PRCD: variants seen among roughly 807,000 people sequenced by gnomAD.
PRCD encodes photoreceptor disk component PRCD.
A neutral mutation model predicts 10.1 loss-of-function variants in PRCD; 12 were observed. That is an observed-to-expected ratio of 1.18 (90% CI 0.76 to 1.92). The LOEUF (loss-of-function observed/expected upper bound fraction) is 1.92, where lower values mean the gene tolerates loss of function less well. Ranked by LOEUF, PRCD falls within the 40% of genes most tolerant of loss-of-function variation. The pLI is 0.00. For missense variants in PRCD, 61 were observed against 72.2 expected (o/e 0.84, Z 0.56); for synonymous variants, 31 against 26.2 (o/e 1.18, Z -0.56).
At chr17:76,548,281 C>T (rs1396264367), downstream of PRCD, among the ~76,000 whole-genome samples, 1 of 152,278 alleles carries the variant, frequency 6.6e-6, no homozygotes, top group East Asian at 1.9e-4. Flanking sequence ...AACATACATA[C>T]ACACAGAGAG....
At position 76,540,265 on chromosome 17, in the gene PRCD, A is replaced by C. The variant is rs754878521; in HGVS notation, c.74+50A>C. ...TGGCGGTTGGTCGGGGGGGGGGGGC[A>C]TGGGGCTGGGCTGCCACCAAGCTGA... On this transcript the variant is annotated intron_variant, in intron 1 of 4. Transcript: ENST00000592014. The surrounding 1 kb of genome is among the most constrained non-coding windows in gnomAD (Gnocchi z 5.0). 1.8e-4 allele frequency: 78 copies of C among 424,420 alleles called. No individual in the cohort carries two copies. Among genetic ancestry groups the C allele is most frequent in the Middle Eastern group, 4.9e-4 (1 of 2,032 alleles). The allele number at this position is 424,420 out of a possible 1,614,324, so 26.3% of individuals were successfully genotyped here.
Position 76,528,182 on chromosome 17 carries a change from G to A in PRCD, n.45+349G>A. ...GTATATAGAATATATCTGTATATAT[G>A]GTAGATGTGTGCGTGATACTCTAGA... is the stretch of plus-strand genomic sequence containing the variant. On this transcript the variant is annotated intron_variant and non_coding_transcript_variant, in intron 1 of 4. Coordinates refer to the PRCD transcript ENST00000397633. The surrounding 1 kb of genome is among the most constrained non-coding windows in gnomAD (Gnocchi z 5.8). The A allele has an allele frequency of 2.5e-6, 1 of 396,890 alleles. No individual in the cohort carries two copies. 24.6% of individuals were successfully genotyped at this position (396,890 alleles called of 1,614,324 possible). A position where few individuals can be genotyped will look rare whatever the true frequency, so the allele number is the denominator to read the frequency against.
chr17:76,540,723 GCTGGGCAGGCTGGA>G lies in PRCD; in HGVS notation c.143+151_143+164del. ...TAAGCACCCTGCTCCCTGTCCGCCT[GCTGGGCAGGCTGGA>G]TGTCTGTTTTCTGCGGTTGGGAATG... On this transcript the variant is annotated intron_variant, in intron 2 of 4. Coordinates refer to ENST00000592014, the MANE Select transcript of PRCD (RefSeq NM_001077620.3). This position sits in a 1 kb window ranked among gnomAD's most constrained non-coding sequence, Gnocchi z 5.0. 1.3e-6 allele frequency: 1 copy of G among 763,926 alleles called. No homozygotes were observed. The highest frequency in any genetic ancestry group is 2.2e-6 in the Non-Finnish European group (1 of 445,676). 47.3% of individuals were successfully genotyped at this position (763,926 alleles called of 1,614,324 possible).
rs561667310 is a variant in PRCD at position 76,529,913 on chromosome 17, G to T, written n.45+2080G>T. On this transcript the variant is annotated intron_variant and non_coding_transcript_variant, in intron 1 of 4. Transcript: ENST00000397633. ...CTCTTGGGGTGGTGCTGACGGGAGA[G>T]GGGGGAGGGGAGCAGGAGCCAGCCC... 1.5e-5 allele frequency: 15 copies of T among 985,336 alleles called. No homozygotes were observed. In the East Asian group the frequency reaches 1.3e-3, roughly 82 times the overall value. The allele number at this position is 985,336 out of a possible 1,614,324, so 61.0% of individuals were successfully genotyped here. A position where few individuals can be genotyped will look rare whatever the true frequency, so the allele number is the denominator to read the frequency against.
At chr17:76,547,643 TCACACA>T (rs56118010), downstream of PRCD, among the ~76,000 whole-genome samples, 95 of 149,948 alleles carry the variant, frequency 6.3e-4, no homozygotes, top group South Asian at 6.1e-3. Flanking sequence ...ACACACACAT[TCACACA>T]CACACACACA....
rs2074982902 is a variant in PRCD, at chr17:76,540,774, C to T, written c.143+201C>T. On this transcript the variant is annotated intron_variant, in intron 2 of 4. Coordinates refer to ENST00000592014, the MANE Select transcript of PRCD (RefSeq NM_001077620.3). This position sits in a 1 kb window ranked among gnomAD's most constrained non-coding sequence, Gnocchi z 5.0. ...TGCGGTTGGGAATGGGAACCCTCAG[C>T]TCGCTCCTCTGGACCAAAGCCGCTG... Among the ~76,000 whole-genome samples, 2 of 152,220 alleles carry T rather than the reference C, an allele frequency of 1.3e-5. No individual in the cohort carries two copies. Among genetic ancestry groups the T allele is most frequent in the South Asian group, 4.1e-4 (2 of 4,832 alleles).
At chr17:76,537,641 G>T, upstream of PRCD, 1 of 967,046 alleles carries the variant, frequency 1.0e-6, no homozygotes. Flanking sequence ...GGCTGCGTGC[G>T]CGGCGGGCGG....
At chr17:76,541,506 G>A (rs754603270) in intron 2 of PRCD, among the ~76,000 whole-genome samples, 2 of 152,134 alleles carry the variant, frequency 1.3e-5, no homozygotes, top group Non-Finnish European at 1.5e-5. Context: ...ACTGGCAACC[G>A]AGAGAACTTC....
At position 76,528,669 on chromosome 17, in the gene PRCD, G is replaced by A. The variant is rs958028642; in HGVS notation, n.45+836G>A. ...TTACCAGAGGCAGGGAAGGACCCTC[G>A]GGGGAAAGGGGGAGGACCTGGGGCT... On this transcript the variant is annotated intron_variant and non_coding_transcript_variant, in intron 1 of 4. Coordinates refer to the PRCD transcript ENST00000397633. This position sits in a 1 kb window ranked among gnomAD's most constrained non-coding sequence, Gnocchi z 5.8. 1.8e-5 allele frequency: 22 copies of A among 1,240,920 alleles called. No individual in the cohort carries two copies. The highest frequency in any genetic ancestry group is 1.7e-4 in the African/African-American group (11 of 64,328). 76.9% of individuals were successfully genotyped at this position (1,240,920 alleles called of 1,614,324 possible). A position where few individuals can be genotyped will look rare whatever the true frequency, so the allele number is the denominator to read the frequency against.
rs1199376543 is a variant in PRCD, at chr17:76,544,806, A to C, written c.*1156A>C. 1.8e-5 allele frequency: 8 copies of C among 456,684 alleles called. No homozygotes were observed. The highest frequency in any genetic ancestry group is 2.3e-5 in the Admixed American group (1 of 42,576). 28.3% of individuals were successfully genotyped at this position (456,684 alleles called of 1,614,324 possible). On this transcript the variant is annotated 3_prime_UTR_variant, in exon 5 of 5. Coordinates refer to ENST00000592014, the MANE Select transcript of PRCD (RefSeq NM_001077620.3). ...CCTTGCTGCCATTTCCGAGTTGCTCATCTCCTTCCACTGGTCTGAGGAATT... is the reference window on the plus strand; with the variant it reads ...CCTTGCTGCCATTTCCGAGTTGCTCCTCTCCTTCCACTGGTCTGAGGAATT...
At position 76,528,114 on chromosome 17, in the gene PRCD, A is replaced by ATG. The variant is rs2074788642; in HGVS notation, n.45+287_45+288dup. ...CCGCGGATACACATTCTAGATATGT[A>ATG]TGTGTGTATATATATATGTATATAT... On this transcript the variant is annotated intron_variant and non_coding_transcript_variant, in intron 1 of 4. Coordinates refer to the PRCD transcript ENST00000397633. This position sits in a 1 kb window ranked among gnomAD's most constrained non-coding sequence, Gnocchi z 5.8. The ATG allele has an allele frequency of 2.4e-6, 1 of 408,950 alleles. No individual in the cohort carries two copies. The highest frequency in any genetic ancestry group is 3.7e-5 in the South Asian group (1 of 27,314). The allele number at this position is 408,950 out of a possible 1,614,324, so 25.3% of individuals were successfully genotyped here. A position where few individuals can be genotyped will look rare whatever the true frequency, so the allele number is the denominator to read the frequency against.
At chr17:76,542,256 G>C (rs749758024) in intron 2 of PRCD, among the ~76,000 whole-genome samples, 2 of 152,288 alleles carry the variant, frequency 1.3e-5, no homozygotes, top group East Asian at 3.9e-4. Context: ...CTGGCCTGGC[G>C]TGACTTAGCC....
At chr17:76,532,445 C>A (rs371778265) in intron 1 of PRCD, among the ~76,000 whole-genome samples, 1 of 152,108 alleles carries the variant, frequency 6.6e-6, no homozygotes, top group East Asian at 1.9e-4. Context: ...CTCCTTCCAG[C>A]GTGTCAGACT....
At chr17:76,538,735 G>C (rs2074952343), upstream of PRCD, among the ~76,000 whole-genome samples, 2 of 152,338 alleles carry the variant, frequency 1.3e-5, no homozygotes, top group African/African-American at 4.8e-5. Context: ...GCCAGAGGTG[G>C]GGGGAGAATC....
intron 1 of PRCD, among the ~76,000 whole-genome samples, chr17:76,534,879 T>A (rs1477056205): frequency 1.3e-5 from 2 of 152,184 alleles, no homozygotes; most frequent in Non-Finnish European, 2.9e-5. Flanking sequence ...GGGGCCCATG[T>A]GCCTGGCTCC....
downstream of PRCD, among the ~76,000 whole-genome samples, chr17:76,549,478 T>C (rs963389480): frequency 2.6e-5 from 4 of 152,200 alleles, no homozygotes; most frequent in African/African-American, 9.6e-5. Context: ...AGGCCGACCA[T>C]AGTAAGTACT....
chr17:76,540,059 C>T lies in PRCD; in HGVS notation c.-83C>T, dbSNP rs2074967553. The T allele has an allele frequency of 2.1e-6, 3 of 1,445,228 alleles. No individual in the cohort carries two copies. The highest frequency in any genetic ancestry group is 1.9e-6 in the Non-Finnish European group (2 of 1,050,072). The allele number at this position is 1,445,228 out of a possible 1,614,324, so 89.5% of individuals were successfully genotyped here. ...ACCGCAGGACAGACGGCAGTGGCTC[C>T]TGAGAGCTGGCTGGGGCCATTTTGG... On this transcript the variant is annotated 5_prime_UTR_variant, in exon 1 of 5. Coordinates refer to ENST00000592014, the MANE Select transcript of PRCD (RefSeq NM_001077620.3). This position sits in a 1 kb window ranked among gnomAD's most constrained non-coding sequence, Gnocchi z 5.0.
chr17:76,536,239 C>T (rs756319755), upstream of PRCD, among the ~76,000 whole-genome samples: 1 of 152,162 alleles, frequency 6.6e-6, no homozygotes, highest in Non-Finnish European at 1.5e-5. Flanking sequence ...AAATCTGCTT[C>T]TGAGTTGGAA....
downstream of PRCD, chr17:76,545,509 G>A (rs2075045918): frequency 5.1e-6 from 2 of 390,338 alleles, no homozygotes; most frequent in South Asian, 3.7e-5. Flanking sequence ...GAGCCAAAGG[G>A]TGGGGTCCCT....
Sources: gnomAD v4.1 joint callset for allele counts (sites outside exome capture counted in the v4.1 genomes callset) on GRCh38, gnomAD v4.1.1 for gene constraint, Gnocchi (gnomAD v3.1) non-coding constraint, MANE v1.5 for transcripts, NCBI Gene and HGNC (gene_info 2026-07-23, HGNC 2026-07-21) for gene names.